PRKCI: variants seen among roughly 807,000 people sequenced by gnomAD.
PRKCI encodes the protein protein kinase C iota type.
In PRKCI, 43 loss-of-function variants were observed where a neutral mutation model predicts 84.0. The observed-to-expected ratio is 0.51, with a 90% CI of 0.40 to 0.66. PRKCI has a LOEUF of 0.66. Among genes scored for constraint, PRKCI ranks in the 30% least tolerant of loss-of-function variants. PRKCI has a pLI of 0.00. For missense variants in PRKCI, 459 were observed against 745.6 expected, an observed-to-expected ratio of 0.62 and a Z score of 4.48; for synonymous variants, 216 against 234.4, an observed-to-expected ratio of 0.92 and a Z score of 0.72.
chr3:170,249,140 G>A (rs1017368848), intron 2 of PRKCI, among the ~76,000 whole-genome samples: 8 of 151,834 alleles, frequency 5.3e-5, no homozygotes, highest in Admixed American at 3.9e-4. Flanking sequence ...GAGCTACCGC[G>A]CCCGGCCAGA....
rs1306055398 is a variant in PRKCI at position 170,239,741 on chromosome 3, G to GTT, written c.223+4402_223+4403dup. Among the ~76,000 whole-genome samples the GTT allele has an allele frequency of 1.5e-3, 204 of 140,226 alleles. 1 individual carries two copies. Among genetic ancestry groups the GTT allele is most frequent in the African/African-American group, 4.6e-3 (178 of 38,532 alleles). 92.0% of individuals were successfully genotyped at this position (140,226 alleles called of 152,430 possible). A position where few individuals can be genotyped will look rare whatever the true frequency, so the allele number is the denominator to read the frequency against. On this transcript the variant is annotated intron_variant, in intron 2 of 17. Coordinates refer to ENST00000295797, the MANE Select transcript of PRKCI (RefSeq NM_002740.6). ...TGTTTTTTCTCTTGTATGGTAGAGT[G>GTT]TTTTTTTTTTTTTGTATGGTAGAGT...
At chr3:170,298,160 A>G (rs866895162) in intron 16 of PRKCI, among the ~76,000 whole-genome samples, 2 of 152,154 alleles carry the variant, frequency 1.3e-5, no homozygotes, top group African/African-American at 4.8e-5. Context: ...GGGGTGAGCC[A>G]CCATGCCCAG....
At chr3:170,260,461 T>G (rs571564670) in intron 3 of PRKCI, among the ~76,000 whole-genome samples, 17 of 152,162 alleles carry the variant, frequency 1.1e-4, no homozygotes, top group Non-Finnish European at 1.3e-4. Context: ...GTGAAACTAT[T>G]TACATGATTC....
At chr3:170,232,557 T>A (rs1732829959) in intron 1 of PRKCI, among the ~76,000 whole-genome samples, 1 of 151,570 alleles carries the variant, frequency 6.6e-6, no homozygotes, top group African/African-American at 2.4e-5. Flanking sequence ...TAACCCACAA[T>A]ACAAAGCTGG....
At chr3:170,228,336 A>G (rs1364929429) in intron 1 of PRKCI, among the ~76,000 whole-genome samples, 1 of 152,206 alleles carries the variant, frequency 6.6e-6, no homozygotes, top group Non-Finnish European at 1.5e-5. Context: ...ATGGTGGTTC[A>G]TGCCTGTAAT....
At chr3:170,235,987 A>T (rs1251531213) in intron 2 of PRKCI, among the ~76,000 whole-genome samples, 1 of 151,580 alleles carries the variant, frequency 6.6e-6, no homozygotes, top group African/African-American at 2.4e-5. Flanking sequence ...GGTCTTGCTA[A>T]GTTGTCCAGG....
intron 4 of PRKCI, among the ~76,000 whole-genome samples, chr3:170,266,864 G>C (rs1373727601): frequency 6.6e-6 from 1 of 152,138 alleles, no homozygotes; most frequent in Non-Finnish European, 1.5e-5. Context: ...GTGGTGGTGT[G>C]TACCTGCAAT....
At chr3:170,251,502 A>C (rs563091060) in intron 2 of PRKCI, among the ~76,000 whole-genome samples, 3 of 152,358 alleles carry the variant, frequency 2.0e-5, no homozygotes, top group African/African-American at 4.8e-5. Flanking sequence ...TAAATAGTCA[A>C]TTCATAAATA....
In PRKCI at chr3:170,295,842, C is replaced by CA. The variant is rs1002004488; in HGVS notation, c.1418-63dup. 5 of 965,448 alleles carry CA rather than the reference C, an allele frequency of 5.2e-6. No individual in the cohort carries two copies. In the African/African-American group the frequency reaches 6.7e-5, roughly 13 times the overall value. The allele number at this position is 965,448 out of a possible 1,614,324, so 59.8% of individuals were successfully genotyped here. A position where few individuals can be genotyped will look rare whatever the true frequency, so the allele number is the denominator to read the frequency against. On this transcript the variant is annotated intron_variant, in intron 14 of 17. Coordinates refer to ENST00000295797, the MANE Select transcript of PRKCI (RefSeq NM_002740.6). ...CCTGGGCAACAGAACAAGCCCCTTT[C>CA]AAAAAAGAAGAAAAAAGATTAAAGC...
intron 8 of PRKCI, 94 bp from the exon 9 acceptor site, chr3:170,280,133 C>A: frequency 1.8e-6 from 2 of 1,100,944 alleles, no homozygotes; most frequent in Non-Finnish European, 1.2e-6. Flanking sequence ...AGGAAAATAT[C>A]TTTAAATCGT....
chr3:170,284,746 T>G, intron 12 of PRKCI, 150 bp downstream of exon 12: 1 of 1,015,252 alleles, frequency 9.8e-7, no homozygotes. Flanking sequence ...AAATGTACTT[T>G]TTTTCTAACC....
At chr3:170,265,031 C>A (rs1733823582) in intron 4 of PRKCI, among the ~76,000 whole-genome samples, 1 of 151,718 alleles carries the variant, frequency 6.6e-6, no homozygotes, top group Non-Finnish European at 1.5e-5. Flanking sequence ...ACTAAAAATA[C>A]TAAAAAAGTT....
chr3:170,230,121 G>C (rs1046259869), intron 1 of PRKCI, among the ~76,000 whole-genome samples: 7 of 149,514 alleles, frequency 4.7e-5, no homozygotes, highest in Non-Finnish European at 1.0e-4. Flanking sequence ...TTAGGTAAAA[G>C]TGTTTTTCAT....
chr3:170,264,140 T>C (rs1203154032), intron 4 of PRKCI, among the ~76,000 whole-genome samples: 1 of 152,140 alleles, frequency 6.6e-6, no homozygotes, highest in African/African-American at 2.4e-5. Context: ...CATATATGCA[T>C]GCACAGTTAT....
intron 4 of PRKCI, among the ~76,000 whole-genome samples, chr3:170,267,112 T>C (rs751760878): frequency 2.6e-5 from 4 of 152,098 alleles, no homozygotes; most frequent in Non-Finnish European, 5.9e-5. Flanking sequence ...TTAGGTAGAA[T>C]TGGGTGGCGG....
At chr3:170,264,765 A>G (rs1456486621) in intron 4 of PRKCI, among the ~76,000 whole-genome samples, 1 of 152,186 alleles carries the variant, frequency 6.6e-6, no homozygotes, top group African/African-American at 2.4e-5. Context: ...TCAATGCCAA[A>G]TTTCCATCCC....
At chr3:170,242,583 G>A (rs1363768812) in intron 2 of PRKCI, among the ~76,000 whole-genome samples, 1 of 149,970 alleles carries the variant, frequency 6.7e-6, no homozygotes, top group Non-Finnish European at 1.5e-5. Flanking sequence ...ATGTTATAAT[G>A]TAAAGAACTT....
chr3:170,228,247 C>T (rs935584957), intron 1 of PRKCI, among the ~76,000 whole-genome samples: 43 of 152,120 alleles, frequency 2.8e-4, no homozygotes, highest in African/African-American at 1.0e-3. Flanking sequence ...AAAATGACAC[C>T]AGTGGCCAAA....
Position 170,303,229 on chromosome 3 carries a change from AC to A in PRKCI, c.*103del. 1 of 699,198 alleles carries A rather than the reference AC, an allele frequency of 1.4e-6. No individual in the cohort carries two copies. Among genetic ancestry groups the A allele is most frequent in the Non-Finnish European group, 2.3e-6 (1 of 433,580 alleles). The allele number at this position is 699,198 out of a possible 1,614,324, so 43.3% of individuals were successfully genotyped here. On this transcript the variant is annotated 3_prime_UTR_variant, in exon 18 of 18. Transcript: ENST00000295797. ...ATTAACCATTTTATATTTGCCACCT[AC>A]AAAAAAACACCCAATATCTTCTCTT...
Sources: allele counts gnomAD v4.1 joint callset (sites outside exome capture counted in the v4.1 genomes callset), GRCh38; gene constraint gnomAD v4.1.1; transcripts MANE v1.5; gene names NCBI Gene and HGNC (gene_info 2026-07-23, HGNC 2026-07-21).